LTBP2: variants seen among roughly 807,000 people sequenced by gnomAD.
LTBP2 encodes the protein latent transforming growth factor beta binding protein 2, also known as latent-transforming growth factor beta-binding protein 2.
LTBP2 carries 103 observed loss-of-function variants against 210.6 expected under a neutral mutation model. That is an observed-to-expected ratio of 0.49 (90% CI 0.42 to 0.58). LTBP2 has a LOEUF of 0.58. LTBP2 is among the 20% of genes least tolerant of loss of function. LTBP2 has a pLI of 0.00. For missense variants in LTBP2, 2,313 were observed against 2,494.5 expected (o/e 0.93, Z 1.55); for synonymous variants, 1,007 against 1,015.0 (o/e 0.99, Z 0.15).
At chr14:74,559,250 T>TAC (rs1455762436) in intron 3 of LTBP2, among the ~76,000 whole-genome samples, 2 of 152,170 alleles carry the variant, frequency 1.3e-5, no homozygotes, top group East Asian at 3.9e-4. Flanking sequence ...TCCTTATATA[T>TAC]ACACAGGGCC....
In LTBP2 at chr14:74,540,841, A is replaced by G. The variant is rs58468055; in HGVS notation, c.1790-4841T>C. ...ATATATTTTTATATAATATATATTT[A>G]TATATATTATATATATTATATATAT... On this transcript the variant is annotated intron_variant, in intron 8 of 35. Transcript: ENST00000261978. 1.3e-3 allele frequency among the ~76,000 whole-genome samples: 39 copies of G among 30,222 alleles called. 2 individuals carry two copies. The highest frequency in any genetic ancestry group is 7.3e-3 in the Admixed American group (14 of 1,914). The allele number at this position is 30,222 out of a possible 152,430, so 19.8% of individuals were successfully genotyped here.
intron 21 of LTBP2, among the ~76,000 whole-genome samples, 161 bp from the exon 22 acceptor site, chr14:74,509,524 T>C (rs1281155317): frequency 1.3e-5 from 2 of 152,130 alleles, no homozygotes; most frequent in Non-Finnish European, 2.9e-5. Context: ...TTCCCTCTTC[T>C]CTGGGACTGG....
chr14:74,606,097 G>GTAC (rs1404799695), intron 1 of LTBP2, among the ~76,000 whole-genome samples: 1 of 152,126 alleles, frequency 6.6e-6, no homozygotes, highest in African/African-American at 2.4e-5. Context: ...TCCCTAGAAG[G>GTAC]TACCTCTCAG....
intron 30 of LTBP2, 139 bp from the exon 31 acceptor site, chr14:74,504,193 C>T (rs755998044): frequency 9.2e-5 from 91 of 993,184 alleles, no homozygotes; most frequent in Admixed American, 2.8e-4. Flanking sequence ...TGCTTAAGTT[C>T]GCCTTGCCTC....
At chr14:74,568,548 G>A (rs2087934202) in intron 3 of LTBP2, among the ~76,000 whole-genome samples, 1 of 152,106 alleles carries the variant, frequency 6.6e-6, no homozygotes, top group Non-Finnish European at 1.5e-5. Context: ...AGAAATAGGA[G>A]GAGTCAAGGA....
In LTBP2 at chr14:74,502,903, G is replaced by T. The variant is rs2086929215; in HGVS notation, c.4920C>A (p.Arg1640=). ...EVYAQLCNVA[R]IEAEREAGVH... ...CCCCGGCCTCCCGCTCTGCCTCAAT[G>T]CGAGCCACGTTGCACAGCTGAGCAT... The change falls in exon 34 of 36, where the codon CGC becomes CGA. Residue 1640 remains arginine, a synonymous_variant. Transcript: ENST00000261978. 1.2e-6 allele frequency: 2 copies of T among 1,612,804 alleles called. No individual in the cohort carries two copies. Among genetic ancestry groups the T allele is most frequent in the Admixed American group, 1.7e-5 (1 of 60,034 alleles).
Position 74,551,187 on chromosome 14 carries a change from G to A in LTBP2, c.1563C>T (p.His521=). The change falls in exon 7 of 36, where the codon CAC becomes CAT. Residue 521 remains histidine, a synonymous_variant. Transcript: ENST00000261978. The part of the protein sequence containing the change: ...PPPWLPASPG[H]SLWDSNNIPA... ...GGATGTTGTTGCTGTCCCAGAGGCT[G>A]TGGCCAGGGCTGGCAGGCAGCCAGG... is the stretch of plus-strand genomic sequence containing the variant. 6.2e-7 allele frequency: 1 copy of A among 1,613,820 alleles called. No homozygotes were observed. Among genetic ancestry groups the A allele is most frequent in the Non-Finnish European group, 8.5e-7 (1 of 1,180,010 alleles).
In LTBP2 at chr14:74,503,200, C is replaced by T; in HGVS notation, c.4888+19G>A. 6.2e-7 allele frequency: 1 copy of T among 1,613,426 alleles called. No homozygotes were observed. Among genetic ancestry groups the T allele is most frequent in the Non-Finnish European group, 8.5e-7 (1 of 1,179,918 alleles). On this transcript the variant is annotated intron_variant, in intron 33 of 35. Coordinates refer to ENST00000261978, the MANE Select transcript of LTBP2 (RefSeq NM_000428.3). The stretch of plus-strand genomic sequence containing the variant: ...GGCCTGGCCCAGCCCTGCAGGGTAT[C>T]CCCTTTGCTCCCCCTCACCAGAGCT...
chr14:74,522,174 A>G (rs767684126), intron 16 of LTBP2, 135 bp from the exon 17 acceptor site: 9 of 1,058,914 alleles, frequency 8.5e-6, no homozygotes, highest in Non-Finnish European at 1.2e-5. Context: ...GAGGGAGTGG[A>G]GGAGGCTGAA....
At chr14:74,504,124 C>T (rs1479032428) in intron 30 of LTBP2, 70 bp from the exon 31 acceptor site, 5 of 1,581,612 alleles carry the variant, frequency 3.2e-6, no homozygotes, top group African/African-American at 1.3e-5. Flanking sequence ...GCAGGGAATC[C>T]AAAGCCAGGC....
rs535188917 is a variant in LTBP2 at position 74,603,605 on chromosome 14, G to A, written c.565+30C>T. The A allele has an allele frequency of 2.9e-5, 47 of 1,609,960 alleles. No homozygotes were observed. In the South Asian group the frequency reaches 3.5e-4, roughly 12 times the overall value. ...AATGGCACTTCACGTTTGATAGAGC[G>A]GAGTGTCTGCTACTGGTGGAGGCAC... On this transcript the variant is annotated intron_variant, in intron 2 of 35. Coordinates refer to ENST00000261978, the MANE Select transcript of LTBP2 (RefSeq NM_000428.3).
At chr14:74,574,049 G>A (rs779747237) in intron 3 of LTBP2, among the ~76,000 whole-genome samples, 1 of 152,120 alleles carries the variant, frequency 6.6e-6, no homozygotes, top group Non-Finnish European at 1.5e-5. Context: ...TAAACTGTCA[G>A]CTTATTCAAT....
intron 16 of LTBP2, 91 bp from the exon 17 acceptor site, chr14:74,522,130 G>A: frequency 7.0e-7 from 1 of 1,437,824 alleles, no homozygotes; most frequent in Non-Finnish European, 9.6e-7. Flanking sequence ...CTAGGGGCTG[G>A]GCAGGGGATG....
Position 74,535,980 on chromosome 14 carries a change from C to T in LTBP2, c.1810G>A (p.Gly604Ser), listed in dbSNP as rs368193784. Residue 604 changes from glycine (G) to serine (S), a missense_variant, in exon 9 of 36, where the codon GGC (glycine) becomes AGC (serine). Physicochemically the swap from Gly to Ser is moderately conservative, Grantham distance 56. Transcript: ENST00000261978. ...TACCCCTGAGGACACTCCAGCTGGC[C>T]ATTCTCAATCACCGGGGAGGCTGAA... is the stretch of plus-strand genomic sequence containing the variant. ...PRPASPVIEN[G>S]QLECPQGYKR... is the part of the protein sequence containing the mutation. 1.2e-6 allele frequency: 2 copies of T among 1,614,170 alleles called. No individual in the cohort carries two copies. The highest frequency in any genetic ancestry group is 1.7e-6 in the Non-Finnish European group (2 of 1,180,024).
intron 16 of LTBP2, 56 bp downstream of exon 16, chr14:74,522,733 GC>G: frequency 6.4e-7 from 1 of 1,565,278 alleles, no homozygotes. Context: ...CGGCCTCTTA[GC>G]CCCTGCTCCC....
At chr14:74,556,544 T>G (rs868791523) in intron 3 of LTBP2, among the ~76,000 whole-genome samples, 2 of 152,238 alleles carry the variant, frequency 1.3e-5, no homozygotes, top group Non-Finnish European at 2.9e-5. Context: ...GAGACCGAGT[T>G]TTGCTCTCGT....
intron 3 of LTBP2, among the ~76,000 whole-genome samples, chr14:74,580,418 G>A (rs544497504): frequency 6.6e-6 from 1 of 152,286 alleles, no homozygotes; most frequent in Admixed American, 6.5e-5. Context: ...AGACAACACA[G>A]AGACACACAG....
At chr14:74,501,346 T>A in intron 35 of LTBP2, 95 bp downstream of exon 35, 1 of 1,562,226 alleles carries the variant, frequency 6.4e-7, no homozygotes, top group Non-Finnish European at 8.8e-7. Context: ...ACAGCCCCAC[T>A]AGGAGGCAGC....
Position 74,507,246 on chromosome 14 carries a change from A to G in LTBP2, c.3840T>C (p.Pro1280=), listed in dbSNP as rs1037739254. The part of the protein sequence containing the change: ...VCGTWKCENS[P]GSYRCVLGCQ... The stretch of plus-strand genomic sequence containing the variant: ...AGCCCAGAACACAGCGGTAGGAGCC[A>G]GGGCTGTTTTCACACTTCCAGGTGC... Residue 1280 remains proline, a synonymous_variant, in exon 26 of 36, where the codon CCT becomes CCC. Coordinates refer to ENST00000261978, the MANE Select transcript of LTBP2 (RefSeq NM_000428.3). 1.1e-5 allele frequency: 18 copies of G among 1,614,108 alleles called. No individual in the cohort carries two copies. Among genetic ancestry groups the G allele is most frequent in the Non-Finnish European group, 1.5e-5 (18 of 1,180,030 alleles).
Sources: allele counts gnomAD v4.1 joint callset (sites outside exome capture counted in the v4.1 genomes callset), GRCh38; gene constraint gnomAD v4.1.1; transcripts MANE v1.5; gene names NCBI Gene and HGNC (gene_info 2026-07-23, HGNC 2026-07-21).